Variants in FHIT observed in about 807,000 individuals in gnomAD.
FHIT encodes bis(5'-adenosyl)-triphosphatase.
A neutral mutation model predicts 17.9 loss-of-function variants in FHIT; 19 were observed. The observed-to-expected ratio is 1.06, with a 90% CI of 0.74 to 1.56. The LOEUF is 1.56. Ranked by LOEUF, FHIT falls within the 40% of genes most tolerant of loss-of-function variation. FHIT has a pLI of 0.00. For synonymous variants in FHIT, 81 were observed against 69.7 expected (o/e 1.16, Z -0.81); for missense variants, 248 against 189.2 (o/e 1.31, Z -1.82).
rs572299400 is a variant in FHIT, at chr3:61,021,246, G to A, written c.-111+20801C>T. ...TATACATTCTTCTCAGCACCACATC[G>A]CACTTATTCTAAAATTGACCACATA... On this transcript the variant is annotated intron_variant, in intron 3 of 9. Coordinates refer to ENST00000492590, the MANE Select transcript of FHIT (RefSeq NM_002012.4). Among the ~76,000 whole-genome samples the A allele has an allele frequency of 7.2e-5, 11 of 152,204 alleles. No individual in the cohort carries two copies. The South Asian group carries it at 8.3e-4, about 11-fold the overall frequency.
intron 3 of FHIT, among the ~76,000 whole-genome samples, chr3:60,933,649 T>G (rs931010951): frequency 6.6e-6 from 1 of 152,218 alleles, no homozygotes; most frequent in Admixed American, 6.5e-5. Context: ...TTACTACTGA[T>G]GCATGTCACC....
chr3:60,241,664 G>C (rs1496651), intron 5 of FHIT, among the ~76,000 whole-genome samples: 6 of 151,962 alleles, frequency 3.9e-5, no homozygotes, highest in Non-Finnish European at 5.9e-5. Flanking sequence ...TGCCTGGAGA[G>C]AGTTAAATAT....
chr3:61,244,418 G>A (rs2040439507), intron 1 of FHIT, among the ~76,000 whole-genome samples: 2 of 152,148 alleles, frequency 1.3e-5, no homozygotes, highest in African/African-American at 2.4e-5. Flanking sequence ...CCCAGATTTT[G>A]TCCATCAAAT....
intron 5 of FHIT, among the ~76,000 whole-genome samples, chr3:60,082,442 A>T (rs912619048): frequency 6.6e-6 from 1 of 152,124 alleles, no homozygotes; most frequent in Non-Finnish European, 1.5e-5. Flanking sequence ...ACATACAGGT[A>T]GATGTATCAG....
At chr3:60,226,471 T>C (rs147526753) in intron 5 of FHIT, among the ~76,000 whole-genome samples, 34,531 of 91,270 alleles carry the variant, frequency 0.38, 5,209 homozygotes, top group African/African-American at 0.46. Context: ...AAACTCCGTC[T>C]CAAAAAAAAA....
intron 4 of FHIT, among the ~76,000 whole-genome samples, chr3:60,642,435 C>T (rs1233888173): frequency 1.3e-5 from 2 of 152,218 alleles, no homozygotes; most frequent in African/African-American, 2.4e-5. Context: ...AAGCATTTCA[C>T]AAGAGGCCCA....
At chr3:60,303,183 T>C (rs536798150) in intron 5 of FHIT, among the ~76,000 whole-genome samples, 129 of 152,300 alleles carry the variant, frequency 8.5e-4, no homozygotes, top group Non-Finnish European at 1.1e-3. Context: ...TATGCAAGCC[T>C]GTGACAGAGG....
At chr3:60,786,559 A>G (rs1700583562) in intron 4 of FHIT, among the ~76,000 whole-genome samples, 1 of 152,164 alleles carries the variant, frequency 6.6e-6, no homozygotes, top group African/African-American at 2.4e-5. Flanking sequence ...CCTAAAACGT[A>G]CCTCACAGGA....
intron 3 of FHIT, among the ~76,000 whole-genome samples, chr3:60,963,878 G>C (rs935454877): frequency 6.6e-6 from 1 of 152,204 alleles, no homozygotes; most frequent in Non-Finnish European, 1.5e-5. Context: ...GAATAAGTGC[G>C]ATGTGGTGCT....
intron 5 of FHIT, among the ~76,000 whole-genome samples, chr3:60,509,703 A>C (rs1269102143): frequency 6.6e-6 from 1 of 152,224 alleles, no homozygotes; most frequent in African/African-American, 2.4e-5. Context: ...TATTGCCTTC[A>C]CATGACATTT....
chr3:60,234,703 C>G lies in FHIT; in HGVS notation c.104-220551G>C, dbSNP rs1704678107. ...TGATTTTGAAGATTTTCCCATTGAC[C>G]TATAGGGCTGTGAAGAAGAGATAGC... is the stretch of plus-strand genomic sequence containing the variant. On this transcript the variant is annotated intron_variant, in intron 5 of 9. Transcript: ENST00000492590. Among the ~76,000 whole-genome samples the G allele has an allele frequency of 3.9e-5, 6 of 152,190 alleles. No homozygotes were observed. In the South Asian group the frequency reaches 1.2e-3, roughly 32 times the overall value.
At chr3:60,594,439 G>A (rs1553665519) in intron 4 of FHIT, among the ~76,000 whole-genome samples, 2 of 152,104 alleles carry the variant, frequency 1.3e-5, no homozygotes, top group East Asian at 1.9e-4. Flanking sequence ...CCAAATGGTT[G>A]GTACTTAATC....
At chr3:60,257,222 T>C (rs1018085851) in intron 5 of FHIT, among the ~76,000 whole-genome samples, 11 of 152,230 alleles carry the variant, frequency 7.2e-5, no homozygotes, top group African/African-American at 2.7e-4. Flanking sequence ...CTGAGAGTTA[T>C]GACTTAACCT....
chr3:60,312,756 G>C (rs909317095), intron 5 of FHIT, among the ~76,000 whole-genome samples: 1 of 152,012 alleles, frequency 6.6e-6, no homozygotes, highest in South Asian at 2.1e-4. Context: ...CCCTGAAGTA[G>C]GTACTATGTA....
At chr3:60,472,686 G>A (rs916575843) in intron 5 of FHIT, among the ~76,000 whole-genome samples, 5 of 152,102 alleles carry the variant, frequency 3.3e-5, no homozygotes, top group South Asian at 2.1e-4. Flanking sequence ...AGCAGCGCTC[G>A]TCTTTGCTGC....
chr3:60,860,339 G>T (rs62654844), intron 3 of FHIT, among the ~76,000 whole-genome samples: 3 of 26,724 alleles, frequency 1.1e-4, no homozygotes, highest in African/African-American at 2.7e-4. Flanking sequence ...GTATACATGA[G>T]ATACATCATA....
At position 61,022,835 on chromosome 3, in the gene FHIT, GAACA is replaced by G. The variant is rs1297891389; in HGVS notation, c.-111+19208_-111+19211del. On this transcript the variant is annotated intron_variant, in intron 3 of 9. Coordinates refer to ENST00000492590, the MANE Select transcript of FHIT (RefSeq NM_002012.4). ...ACGCTCAATAAACTAGGTATTGATG[GAACA>G]GATCTCAAAATAATAAGAGCTATTT... Among the ~76,000 whole-genome samples the G allele has an allele frequency of 3.9e-4, 60 of 152,216 alleles. 1 individual carries two copies. In the East Asian group the frequency reaches 0.01, roughly 26 times the overall value.
At chr3:60,640,151 G>A (rs1240083646) in intron 4 of FHIT, among the ~76,000 whole-genome samples, 4 of 152,220 alleles carry the variant, frequency 2.6e-5, no homozygotes, top group African/African-American at 4.8e-5. Context: ...AATGTCCACA[G>A]TGTGGCACAA....
chr3:61,098,365 T>C (rs542038180), intron 2 of FHIT, among the ~76,000 whole-genome samples: 7 of 152,272 alleles, frequency 4.6e-5, no homozygotes, highest in Admixed American at 2.0e-4. Context: ...CGTAGTACAG[T>C]TTGAAATTGG....
Sources: gnomAD v4.1 joint callset for allele counts (sites outside exome capture counted in the v4.1 genomes callset) on GRCh38, gnomAD v4.1.1 for gene constraint, MANE v1.5 for transcripts, NCBI Gene and HGNC (gene_info 2026-07-23, HGNC 2026-07-21) for gene names.